The following CACNB4 variants were observed in gnomAD, a reference collection of about 807,000 sequenced individuals.
CACNB4 encodes calcium voltage-gated channel auxiliary subunit beta 4, also known as voltage-dependent L-type calcium channel subunit beta-4.
In CACNB4, 32 loss-of-function variants were observed where a neutral mutation model predicts 71.2. The observed-to-expected ratio is 0.45, with a 90% CI of 0.34 to 0.60. CACNB4 has a LOEUF of 0.60. CACNB4 is among the 20% of genes least tolerant of loss of function. CACNB4 has a pLI of 0.01. For missense variants in CACNB4, 464 were observed against 647.9 expected (o/e 0.72, Z 3.08); for synonymous variants, 231 against 236.9 (o/e 0.97, Z 0.23).
chr2:151,948,905 G>A (rs935816400), intron 2 of CACNB4, among the ~76,000 whole-genome samples: 2 of 152,056 alleles, frequency 1.3e-5, no homozygotes, highest in African/African-American at 2.4e-5. Flanking sequence ...ATAATTATGA[G>A]ATCTAGAGAA....
intron 12 of CACNB4, among the ~76,000 whole-genome samples, chr2:151,845,594 C>T (rs1310943841): frequency 4.6e-5 from 7 of 152,324 alleles, no homozygotes; most frequent in African/African-American, 1.7e-4. Context: ...TAGTCAGCTC[C>T]TTACTATGCA....
In CACNB4 at chr2:151,855,897, G is replaced by C. The variant is rs886750312; in HGVS notation, c.869-522C>G. On this transcript the variant is annotated intron_variant, in intron 10 of 13. Transcript: ENST00000539935. ...CATATTTTTGTACCACTGGTTAATT[G>C]TTCTGAGTCTACCCTTAAAACTAAT... Among the ~76,000 whole-genome samples, 5 of 151,950 alleles carry C rather than the reference G, an allele frequency of 3.3e-5. No individual in the cohort carries two copies. The Middle Eastern group carries it at 0.01, about 312-fold the overall frequency.
intron 2 of CACNB4, among the ~76,000 whole-genome samples, chr2:151,978,068 C>T (rs1394158826): frequency 6.6e-6 from 1 of 152,090 alleles, no homozygotes; most frequent in Non-Finnish European, 1.5e-5. Flanking sequence ...TCCCTGGAGC[C>T]CATCAGATAG....
At chr2:151,885,227 G>A (rs950925232) in intron 2 of CACNB4, among the ~76,000 whole-genome samples, 7 of 152,360 alleles carry the variant, frequency 4.6e-5, no homozygotes, top group African/African-American at 1.4e-4. Flanking sequence ...ACCACTCTGA[G>A]ACAGTCTTCT....
At position 151,940,052 on chromosome 2, in the gene CACNB4, G is replaced by T. The variant is rs368443126; in HGVS notation, c.148-56682C>A. Among the ~76,000 whole-genome samples the T allele has an allele frequency of 9.9e-5, 15 of 152,172 alleles. No individual in the cohort carries two copies. The East Asian group carries it at 1.7e-3, about 18-fold the overall frequency. Reference sequence around the variant, plus strand: ...AAATTGTTCTAGCCTAATAAAATTTGCCCAAATAATGATTCTTAGTTTATC... The same window carrying T: ...AAATTGTTCTAGCCTAATAAAATTTTCCCAAATAATGATTCTTAGTTTATC... On this transcript the variant is annotated intron_variant, in intron 2 of 13. Transcript: ENST00000539935.
At chr2:151,873,082 T>C (rs1412639381) in intron 5 of CACNB4, 1 of 152,164 alleles carries the variant, frequency 6.6e-6, no homozygotes, top group Non-Finnish European at 1.5e-5. Flanking sequence ...ACTGTAACAA[T>C]TAAGAAATAA....
At chr2:151,844,791 C>T (rs183201415) in intron 12 of CACNB4, among the ~76,000 whole-genome samples, 45 of 152,314 alleles carry the variant, frequency 3.0e-4, no homozygotes, top group African/African-American at 9.9e-4. Flanking sequence ...CCAGTCTTTC[C>T]GCCATTCCAG....
At chr2:152,004,757 G>A (rs112700170) in intron 2 of CACNB4, among the ~76,000 whole-genome samples, 10 of 152,190 alleles carry the variant, frequency 6.6e-5, no homozygotes, top group Admixed American at 6.5e-4. Context: ...ATGGGGATAG[G>A]GGAGGAGTCA....
intron 10 of CACNB4, chr2:151,857,335 CA>C (rs1299909922): frequency 6.6e-6 from 1 of 152,092 alleles, no homozygotes; most frequent in African/African-American, 2.4e-5. Flanking sequence ...TCATGTTATC[CA>C]ATACCAATGG....
At chr2:151,898,249 G>A (rs1360191169) in intron 2 of CACNB4, among the ~76,000 whole-genome samples, 1 of 152,186 alleles carries the variant, frequency 6.6e-6, no homozygotes, top group Non-Finnish European at 1.5e-5. Context: ...CTCCTGACCT[G>A]CTGTCTCCTC....
chr2:151,841,792 CAT>C (rs2099836297), intron 13 of CACNB4, 109 bp downstream of exon 13: 8 of 885,548 alleles, frequency 9.0e-6, no homozygotes, highest in Middle Eastern at 3.2e-4. Context: ...ATAATGTGCA[CAT>C]AGTGTTCCCT....
At chr2:151,943,934 A>G (rs2099864904) in intron 2 of CACNB4, among the ~76,000 whole-genome samples, 1 of 152,222 alleles carries the variant, frequency 6.6e-6, no homozygotes. Flanking sequence ...ATGTGTTTCC[A>G]TAAGTTGCCT....
chr2:151,936,184 C>T (rs1186322594), intron 2 of CACNB4: 3 of 152,178 alleles, frequency 2.0e-5, no homozygotes, highest in Admixed American at 6.5e-5. Context: ...TTTTGCATAA[C>T]GCAGAGTGCC....
chr2:151,913,947 G>T lies in CACNB4; in HGVS notation c.148-30577C>A, dbSNP rs1260107428. On this transcript the variant is annotated intron_variant, in intron 2 of 13. Transcript: ENST00000539935. The stretch of plus-strand genomic sequence containing the variant: ...CAACCTTGGAGAATCTGATGATTAT[G>T]TGTCTTGGGGTTGATCTTCTCATGG... Among the ~76,000 whole-genome samples, 2 of 152,050 alleles carry T rather than the reference G, an allele frequency of 1.3e-5. 1 individual carries two copies. The highest frequency in any genetic ancestry group is 6.3e-3 in the Middle Eastern group (2 of 316).
chr2:151,975,573 G>C (rs901197798), intron 2 of CACNB4, among the ~76,000 whole-genome samples: 1 of 152,164 alleles, frequency 6.6e-6, no homozygotes, highest in African/African-American at 2.4e-5. Flanking sequence ...ATTCCATAGA[G>C]AGAAACCCAG....
intron 2 of CACNB4, chr2:151,973,210 G>C (rs572987953): frequency 6.4e-6 from 1 of 155,734 alleles, no homozygotes; most frequent in Admixed American, 6.4e-5. Context: ...TGCACTGCTT[G>C]TTTGGCCAGA....
At position 151,982,710 on chromosome 2, in the gene CACNB4, T is replaced by C. The variant is rs559941163; in HGVS notation, c.148-99340A>G. ...GGTGCTGATGAAACAACTTCCAGCA[T>C]ACAGATGAGGAACTCACCTTAGGGA... is the stretch of plus-strand genomic sequence containing the variant. On this transcript the variant is annotated intron_variant, in intron 2 of 13. Coordinates refer to ENST00000539935, the MANE Select transcript of CACNB4 (RefSeq NM_000726.5). Among the ~76,000 whole-genome samples, 21 of 150,586 alleles carry C rather than the reference T, an allele frequency of 1.4e-4. No individual in the cohort carries two copies. In the Middle Eastern group the frequency reaches 0.011, roughly 76 times the overall value.
intron 2 of CACNB4, among the ~76,000 whole-genome samples, chr2:152,070,871 G>A (rs1265041527): frequency 1.3e-5 from 2 of 152,136 alleles, no homozygotes; most frequent in African/African-American, 2.4e-5. Flanking sequence ...GAGTTCAAGC[G>A]AGTCTCCTGC....
chr2:151,927,222 A>G (rs1019607085), intron 2 of CACNB4, among the ~76,000 whole-genome samples: 5 of 152,226 alleles, frequency 3.3e-5, no homozygotes, highest in African/African-American at 1.2e-4. Context: ...GAATATTTGT[A>G]TTGCAGATAA....
Sources: gnomAD v4.1 joint callset for allele counts (sites outside exome capture counted in the v4.1 genomes callset) on GRCh38, gnomAD v4.1.1 for gene constraint, MANE v1.5 for transcripts, NCBI Gene and HGNC (gene_info 2026-07-23, HGNC 2026-07-21) for gene names.